Variants in RBFOX3 observed in about 807,000 individuals in gnomAD.
RBFOX3 encodes the protein RNA binding protein fox-1 homolog 3.
In RBFOX3, 17 loss-of-function variants were observed where a neutral mutation model predicts 48.7. The ratio of observed to expected loss-of-function variants is 0.35; its 90% CI spans 0.24 to 0.52. The LOEUF (loss-of-function observed/expected upper bound fraction) is 0.52, where lower values mean the gene tolerates loss of function less well. RBFOX3 is among the 20% of genes least tolerant of loss of function. The pLI is 0.94. For missense variants in RBFOX3, 382 were observed against 497.5 expected, an observed-to-expected ratio of 0.77 and a Z score of 2.21; for synonymous variants, 212 against 209.5, an observed-to-expected ratio of 1.01 and a Z score of -0.10.
intron 4 of RBFOX3, among the ~76,000 whole-genome samples, chr17:79,177,272 T>C (rs192734232): frequency 3.6e-4 from 55 of 152,284 alleles, no homozygotes; most frequent in Non-Finnish European, 6.6e-4. Flanking sequence ...CTTTGGGTTG[T>C]GTCCCCAGGA....
intron 1 of RBFOX3, among the ~76,000 whole-genome samples, chr17:79,608,976 TG>T (rs2093906317): frequency 8.9e-6 from 1 of 112,686 alleles, no homozygotes; most frequent in African/African-American, 3.4e-5. Context: ...CTCAGTGACC[TG>T]GGGCGCCCCT....
At chr17:79,255,120 C>G (rs1332801138) in intron 3 of RBFOX3, among the ~76,000 whole-genome samples, 3 of 152,110 alleles carry the variant, frequency 2.0e-5, no homozygotes, top group Non-Finnish European at 4.4e-5. Context: ...TCTCTCCAGG[C>G]TTTTCCTATG....
At chr17:79,312,424 A>G (rs1413968552) in intron 2 of RBFOX3, among the ~76,000 whole-genome samples, 2 of 151,920 alleles carry the variant, frequency 1.3e-5, no homozygotes, top group African/African-American at 2.4e-5. Flanking sequence ...TGATGGGATG[A>G]GGTGTGGTAG....
At chr17:79,091,832 G>C (rs1044214812) in intron 14 of RBFOX3, 7 of 511,692 alleles carry the variant, frequency 1.4e-5, no homozygotes, top group Non-Finnish European at 1.8e-5. Flanking sequence ...CGACCAGGAC[G>C]TGCCTTTCCA....
At chr17:79,483,261 T>G (rs1433186211) in intron 1 of RBFOX3, among the ~76,000 whole-genome samples, 2 of 151,876 alleles carry the variant, frequency 1.3e-5, no homozygotes, top group Non-Finnish European at 2.9e-5. Flanking sequence ...TCAACCCCCT[T>G]TGCCTTTGGG....
chr17:79,570,571 T>C (rs1352236626), intron 1 of RBFOX3, among the ~76,000 whole-genome samples: 1 of 152,206 alleles, frequency 6.6e-6, no homozygotes, highest in Non-Finnish European at 1.5e-5. Flanking sequence ...CCTTCATTTG[T>C]CTCAAACCTT....
At chr17:79,488,507 T>C (rs1239373303) in intron 1 of RBFOX3, among the ~76,000 whole-genome samples, 3 of 152,220 alleles carry the variant, frequency 2.0e-5, no homozygotes, top group Non-Finnish European at 4.4e-5. Flanking sequence ...AACAGCCTGA[T>C]TGGCATGCCT....
At chr17:79,177,004 C>G (rs1414766888) in intron 4 of RBFOX3, among the ~76,000 whole-genome samples, 1 of 152,172 alleles carries the variant, frequency 6.6e-6, no homozygotes, top group Non-Finnish European at 1.5e-5. Context: ...CGGTCTGGGT[C>G]GGAATCCACT....
rs797023112 is a variant in RBFOX3, at chr17:79,475,744, T to C, written c.-175+6710A>G. On this transcript the variant is annotated intron_variant, in intron 2 of 14. Coordinates refer to ENST00000693108, the MANE Select transcript of RBFOX3 (RefSeq NM_001350451.2). ...GCGACAGGATACACAGGCATGGGGG[T>C]GGGGTTGCCTCATGATGATGGAGGC... 1.2e-3 allele frequency among the ~76,000 whole-genome samples: 188 copies of C among 151,634 alleles called. 1 individual carries two copies. The highest frequency in any genetic ancestry group is 4.4e-3 in the African/African-American group (181 of 41,328).
intron 1 of RBFOX3, among the ~76,000 whole-genome samples, chr17:79,594,721 A>T (rs2093522029): frequency 6.6e-6 from 1 of 152,212 alleles, no homozygotes; most frequent in Non-Finnish European, 1.5e-5. Flanking sequence ...TATAAATCAG[A>T]GGCCATTTTT....
rs1218116712 is a variant in RBFOX3, at chr17:79,477,243, A to G, written c.-175+5211T>C. On this transcript the variant is annotated intron_variant, in intron 2 of 14. Transcript: ENST00000693108. This position sits in a 1 kb window ranked among gnomAD's most constrained non-coding sequence, Gnocchi z 4.8. Reference sequence around the variant, plus strand: ...GCAAGGCTCCGTTTCAAAAAAAAATAAATAAAGATAAATTAAAAAAAAAAA... The same window carrying G: ...GCAAGGCTCCGTTTCAAAAAAAAATGAATAAAGATAAATTAAAAAAAAAAA... 1.6e-5 allele frequency among the ~76,000 whole-genome samples: 2 copies of G among 126,610 alleles called. No homozygotes were observed. Among genetic ancestry groups the G allele is most frequent in the African/African-American group, 2.9e-5 (1 of 34,162 alleles). 83.1% of individuals were successfully genotyped at this position (126,610 alleles called of 152,430 possible).
At chr17:79,519,251 C>T (rs1015635502) in intron 1 of RBFOX3, among the ~76,000 whole-genome samples, 2 of 152,242 alleles carry the variant, frequency 1.3e-5, no homozygotes, top group East Asian at 1.9e-4. Context: ...GCACACCCCA[C>T]GCCCCCACCC....
intron 1 of RBFOX3, among the ~76,000 whole-genome samples, chr17:79,569,774 T>C (rs1385691626): frequency 6.6e-6 from 1 of 152,196 alleles, no homozygotes; most frequent in East Asian, 1.9e-4. Context: ...AGAAAATCGA[T>C]GGATGATGGA....
rs553378164 is a variant in RBFOX3, at chr17:79,405,711, A to T, written c.-175+76743T>A. Among the ~76,000 whole-genome samples, 90 of 152,292 alleles carry T rather than the reference A, an allele frequency of 5.9e-4. 2 individuals carry two copies. Among genetic ancestry groups the T allele is most frequent in the Non-Finnish European group, 9.8e-4 (67 of 68,032 alleles). On this transcript the variant is annotated intron_variant, in intron 2 of 14. Coordinates refer to ENST00000693108, the MANE Select transcript of RBFOX3 (RefSeq NM_001350451.2). ...TCTCCAGCCTGGGTGACAGAGTGAG[A>T]CTCTATCTCAAAAACAAAAACAAGA...
chr17:79,593,315 T>G (rs2093475746), intron 1 of RBFOX3, among the ~76,000 whole-genome samples: 1 of 85,624 alleles, frequency 1.2e-5, no homozygotes, highest in South Asian at 3.4e-4. Context: ...TGTGCACGCC[T>G]GTACATGCAT....
intron 2 of RBFOX3, among the ~76,000 whole-genome samples, chr17:79,378,064 G>T (rs761938124): frequency 7.9e-5 from 12 of 152,232 alleles, no homozygotes; most frequent in Non-Finnish European, 1.5e-4. Flanking sequence ...GAAGCGGATT[G>T]TGAAGGCACA....
chr17:79,157,106 G>A (rs1303692628), intron 4 of RBFOX3, among the ~76,000 whole-genome samples: 3 of 152,156 alleles, frequency 2.0e-5, no homozygotes, highest in African/African-American at 7.2e-5. Context: ...GGCCCCCAGA[G>A]ACTCAGAGAA....
intron 3 of RBFOX3, among the ~76,000 whole-genome samples, chr17:79,301,049 C>A (rs1032087512): frequency 3.3e-5 from 5 of 152,204 alleles, no homozygotes; most frequent in Non-Finnish European, 7.3e-5. Flanking sequence ...TGCGGGCCAC[C>A]AGATCACCCC....
At chr17:79,432,503 G>C (rs1384515229) in intron 2 of RBFOX3, among the ~76,000 whole-genome samples, 1 of 152,166 alleles carries the variant, frequency 6.6e-6, no homozygotes, top group African/African-American at 2.4e-5. Flanking sequence ...CACTTCCCAA[G>C]GGTCGCGAGC....
Sources: allele counts gnomAD v4.1 joint callset (sites outside exome capture counted in the v4.1 genomes callset), GRCh38; gene constraint gnomAD v4.1.1; non-coding constraint Gnocchi (gnomAD v3.1); transcripts MANE v1.5; gene names NCBI Gene and HGNC (gene_info 2026-07-23, HGNC 2026-07-21).